Variants in SMARCA2 observed in about 807,000 individuals in gnomAD.
SMARCA2 encodes the protein SWI/SNF related BAF chromatin remodeling complex subunit ATPase 2, also known as SWI/SNF-related matrix-associated actin-dependent regulator of chromatin subfamily A member 2.
A neutral mutation model predicts 199.8 loss-of-function variants in SMARCA2; 61 were observed. The ratio of observed to expected loss-of-function variants is 0.31; its 90% CI spans 0.25 to 0.38. The LOEUF is 0.38. Among genes scored for constraint, SMARCA2 ranks in the 10% least tolerant of loss-of-function variants. The pLI is 1.00. For missense variants in SMARCA2, 1,344 were observed against 2,012.2 expected (o/e 0.67, Z 6.35); for synonymous variants, 935 against 732.0 (o/e 1.28, Z -4.48).
intron 19 of SMARCA2, among the ~76,000 whole-genome samples, chr9:2,092,809 G>A (rs573321595): frequency 2.6e-5 from 4 of 152,280 alleles, no homozygotes; most frequent in East Asian, 1.9e-4. Flanking sequence ...AATCACCCCC[G>A]TGAAGAAGTC....
intron 27 of SMARCA2, among the ~76,000 whole-genome samples, chr9:2,145,724 A>T (rs112761900): frequency 0.027 from 4,188 of 152,364 alleles, 73 homozygotes; most frequent in Non-Finnish European, 0.045. Flanking sequence ...CCCTATCTAA[A>T]AGTTGAATTC....
chr9:2,040,097 TC>T, intron 4 of SMARCA2, 197 bp downstream of exon 4: 1 of 1,116,532 alleles, frequency 9.0e-7, no homozygotes, highest in South Asian at 1.7e-5. Flanking sequence ...GGGCAGTGTT[TC>T]TTAACCTTAA....
At chr9:2,067,409 A>T (rs1011748484) in intron 9 of SMARCA2, among the ~76,000 whole-genome samples, 1 of 152,224 alleles carries the variant, frequency 6.6e-6, no homozygotes, top group Non-Finnish European at 1.5e-5. Flanking sequence ...TCATAGCCTT[A>T]TGAAGCAGTT....
intron 27 of SMARCA2, among the ~76,000 whole-genome samples, chr9:2,132,994 G>C (rs1480267756): frequency 6.6e-6 from 1 of 152,126 alleles, no homozygotes; most frequent in Non-Finnish European, 1.5e-5. Context: ...AATAATAAAG[G>C]TTGAGGAGTG....
intron 27 of SMARCA2, among the ~76,000 whole-genome samples, chr9:2,131,202 G>A (rs569774164): frequency 6.6e-6 from 1 of 152,298 alleles, no homozygotes; most frequent in East Asian, 1.9e-4. Context: ...CAGCCAGCTG[G>A]AGAGTAGTAT....
intron 28 of SMARCA2, among the ~76,000 whole-genome samples, chr9:2,165,640 A>G (rs1825896493): frequency 6.6e-6 from 1 of 152,204 alleles, no homozygotes; most frequent in South Asian, 2.1e-4. Flanking sequence ...GAAGCTTTTA[A>G]AAACTCATAT....
At position 2,076,248 on chromosome 9, in the gene SMARCA2, G is replaced by T; in HGVS notation, c.1955G>T (p.Ser652Ile). 6.2e-7 allele frequency: 1 copy of T among 1,606,490 alleles called. No individual in the cohort carries two copies. The highest frequency in any genetic ancestry group is 8.5e-7 in the Non-Finnish European group (1 of 1,173,076). Residue 652 changes from serine (S) to isoleucine (I), a missense_variant, in exon 13 of 34, where the codon AGT becomes ATT. Ser to Ile is a moderately radical substitution (Grantham distance 142). Coordinates refer to ENST00000349721, the MANE Select transcript of SMARCA2 (RefSeq NM_003070.5). ...YEEEDEEEES[S>I]RQETEEKILL... is the part of the protein sequence containing the mutation. ...TTCCAGGATGAGGAAGAAGAGTCCAGTAGGCAGGAAACCGAAGAGAAAATA... is the reference window on the plus strand; with the variant it reads ...TTCCAGGATGAGGAAGAAGAGTCCATTAGGCAGGAAACCGAAGAGAAAATA...
chr9:2,188,635 T>TATTA (rs1038572750), intron 32 of SMARCA2, among the ~76,000 whole-genome samples: 35 of 152,334 alleles, frequency 2.3e-4, no homozygotes, highest in African/African-American at 7.9e-4. Flanking sequence ...AGCCTTGGTA[T>TATTA]ATTAATTTTC....
rs1374502900 is a variant in SMARCA2, at chr9:2,096,889, T to A, written c.2991+125T>A. On this transcript the variant is annotated intron_variant, in intron 20 of 33. Transcript: ENST00000349721. The stretch of plus-strand genomic sequence containing the variant: ...TGTTAAAGTAAATCACTGGACCTCC[T>A]TTGAGCTATTATAGCTGCCAAAGAT... 4 of 683,440 alleles carry A rather than the reference T, an allele frequency of 5.9e-6. No homozygotes were observed. In the East Asian group the frequency reaches 1.0e-4, roughly 18 times the overall value. The allele number at this position is 683,440 out of a possible 1,614,324, so 42.3% of individuals were successfully genotyped here.
intron 25 of SMARCA2, among the ~76,000 whole-genome samples, chr9:2,118,625 A>G (rs967578949): frequency 6.6e-6 from 1 of 152,234 alleles, no homozygotes; most frequent in Non-Finnish European, 1.5e-5. Context: ...GGGAAGATAA[A>G]TCCTGAAGCA....
intron 9 of SMARCA2, among the ~76,000 whole-genome samples, chr9:2,061,647 C>T (rs1009624336): frequency 6.6e-6 from 1 of 152,140 alleles, no homozygotes; most frequent in African/African-American, 2.4e-5. Flanking sequence ...CTCTTTGAAG[C>T]TTAAGTCATC....
chr9:2,028,705 T>A (rs1033303139), intron 1 of SMARCA2, among the ~76,000 whole-genome samples: 5 of 152,222 alleles, frequency 3.3e-5, no homozygotes, highest in African/African-American at 1.2e-4. Flanking sequence ...ATTCTGCTTA[T>A]GTGTTAAATT....
intron 21 of SMARCA2, among the ~76,000 whole-genome samples, chr9:2,098,905 C>T (rs945678087): frequency 6.6e-6 from 1 of 151,582 alleles, no homozygotes; most frequent in Admixed American, 6.6e-5. Flanking sequence ...CGAGATCGCA[C>T]CATTGTACTC....
At chr9:2,190,222 C>T (rs377583901) in intron 32 of SMARCA2, among the ~76,000 whole-genome samples, 3 of 152,166 alleles carry the variant, frequency 2.0e-5, no homozygotes, top group South Asian at 2.1e-4. Context: ...TGCAGTCTTT[C>T]TGAAGGCTAA....
At chr9:2,158,090 G>T (rs935927372) in intron 27 of SMARCA2, 19 of 282,982 alleles carry the variant, frequency 6.7e-5, no homozygotes, top group Admixed American at 1.1e-4. Flanking sequence ...TCTCGTTCTT[G>T]CACACCCTGA....
chr9:2,100,454 C>A (rs896363869), intron 21 of SMARCA2, among the ~76,000 whole-genome samples: 2 of 152,090 alleles, frequency 1.3e-5, no homozygotes, highest in African/African-American at 2.4e-5. Flanking sequence ...ATAAGCCTAG[C>A]ACTTTGGGAG....
chr9:2,128,117 G>A (rs993222329), intron 27 of SMARCA2, among the ~76,000 whole-genome samples: 3 of 151,942 alleles, frequency 2.0e-5, no homozygotes, highest in Admixed American at 6.6e-5. Flanking sequence ...TCTCTTCCCC[G>A]GGGGCTCCCA....
At chr9:2,048,154 CTT>C (rs780847435) in intron 5 of SMARCA2, among the ~76,000 whole-genome samples, 45 of 152,266 alleles carry the variant, frequency 3.0e-4, no homozygotes, top group Non-Finnish European at 5.7e-4. Flanking sequence ...TTTCGGTAAA[CTT>C]TACAAAAACA....
Position 2,170,970 on chromosome 9 carries a change from TC to T in SMARCA2, c.4253+499del, listed in dbSNP as rs1243001943. ...CATGCAGAGGGCAATTGCTGAGTTGTCTCTTGTTTGTGTGATGGGTTGGGTT... is the reference window on the plus strand; with the variant it reads ...CATGCAGAGGGCAATTGCTGAGTTGTTCTTGTTTGTGTGATGGGTTGGGTT... On this transcript the variant is annotated intron_variant, in intron 29 of 33. Transcript: ENST00000349721. The surrounding 1 kb of genome is among the most constrained non-coding windows in gnomAD (Gnocchi z 4.7). Among the ~76,000 whole-genome samples, 2 of 152,196 alleles carry T rather than the reference TC, an allele frequency of 1.3e-5. No homozygotes were observed. The highest frequency in any genetic ancestry group is 2.4e-5 in the African/African-American group (1 of 41,440).
Sources: allele counts gnomAD v4.1 joint callset (sites outside exome capture counted in the v4.1 genomes callset), GRCh38; gene constraint gnomAD v4.1.1; non-coding constraint Gnocchi (gnomAD v3.1); transcripts MANE v1.5; gene names NCBI Gene and HGNC (gene_info 2026-07-23, HGNC 2026-07-21).